The following SCAND3 variants were observed in gnomAD, a reference collection of about 807,000 sequenced individuals.
SCAND3 encodes SCAN domain-containing protein 3.
chr6:28,611,902 G>A, the SCAND3 span, among the ~76,000 whole-genome samples: 1 of 152,166 alleles, frequency 6.6e-6, no homozygotes, highest in African/African-American at 2.4e-5. Context: ...TTCTAAATAG[G>A]AACATTACGG....
the SCAND3 span, chr6:28,579,383 C>T: frequency 7.4e-6 from 12 of 1,613,846 alleles, no homozygotes; most frequent in Middle Eastern, 1.6e-4. The surrounding 1 kb of genome is among the most constrained non-coding windows in gnomAD (Gnocchi z 4.5). Context: ...ATCATTTCTT[C>T]CATAGAAACT....
the SCAND3 span, among the ~76,000 whole-genome samples, chr6:28,584,093 T>A: frequency 6.6e-6 from 1 of 152,124 alleles, no homozygotes; most frequent in South Asian, 2.1e-4. Context: ...CAATAATAAG[T>A]TTAATGTTGA....
chr6:28,577,640 C>T, the SCAND3 span, among the ~76,000 whole-genome samples: 1 of 152,190 alleles, frequency 6.6e-6, no homozygotes, highest in African/African-American at 2.4e-5. Context: ...GAAACCCATA[C>T]CTCCACCAAA....
the SCAND3 span, among the ~76,000 whole-genome samples, chr6:28,605,379 T>G: frequency 6.6e-6 from 1 of 152,156 alleles, no homozygotes; most frequent in Non-Finnish European, 1.5e-5. Flanking sequence ...TCCAGAGACT[T>G]TGTTGGGAAG....
chr6:28,591,570 C>T, the SCAND3 span: 9 of 152,174 alleles, frequency 5.9e-5, no homozygotes, highest in Admixed American at 5.9e-4. Flanking sequence ...TATCAAGTTT[C>T]TCTTTTTCCA....
the SCAND3 span, among the ~76,000 whole-genome samples, chr6:28,600,840 G>C: frequency 6.7e-6 from 1 of 149,352 alleles, no homozygotes; most frequent in African/African-American, 2.5e-5. Flanking sequence ...TTATGGTTTT[G>C]TTTGTTCGTT....
the SCAND3 span, chr6:28,585,373 C>A: frequency 6.6e-6 from 1 of 152,134 alleles, no homozygotes; most frequent in Non-Finnish European, 1.5e-5. Flanking sequence ...ATAAGTGCTT[C>A]CAAGACAGCC....
the SCAND3 span, among the ~76,000 whole-genome samples, chr6:28,603,065 C>G: frequency 6.7e-6 from 1 of 148,394 alleles, no homozygotes; most frequent in African/African-American, 2.5e-5. Flanking sequence ...CGGATTCAAG[C>G]CATTCTCCTG....
At chr6:28,586,143 A>C in the SCAND3 span, among the ~76,000 whole-genome samples, 1 of 152,126 alleles carries the variant, frequency 6.6e-6, no homozygotes, top group Non-Finnish European at 1.5e-5. This position sits in a 1 kb window ranked among gnomAD's most constrained non-coding sequence, Gnocchi z 4.4. Context: ...CTGTTATCTC[A>C]TATGCACGCA....
At chr6:28,572,063 G>A in the SCAND3 span, 14 of 1,614,022 alleles carry the variant, frequency 8.7e-6, no homozygotes, top group South Asian at 1.2e-4. The surrounding 1 kb of genome is among the most constrained non-coding windows in gnomAD (Gnocchi z 4.1). Context: ...GTCTCACAGA[G>A]GTATGTTGAG....
At chr6:28,609,978 T>C in the SCAND3 span, among the ~76,000 whole-genome samples, 23 of 152,188 alleles carry the variant, frequency 1.5e-4, no homozygotes, top group Non-Finnish European at 3.2e-4. Context: ...GGAATCCCAG[T>C]GCTTTGGGAG....
At chr6:28,610,682 G>A in the SCAND3 span, among the ~76,000 whole-genome samples, 1 of 152,016 alleles carries the variant, frequency 6.6e-6, no homozygotes, top group South Asian at 2.1e-4. Context: ...CAGTTATATG[G>A]GATTGAGATT....
At chr6:28,612,441 C>T in the SCAND3 span, among the ~76,000 whole-genome samples, 1 of 152,142 alleles carries the variant, frequency 6.6e-6, no homozygotes, top group East Asian at 1.9e-4. Flanking sequence ...ACCTCCTTAA[C>T]ATCTGGAAAG....
chr6:28,579,506 T>C, the SCAND3 span: 54,913 of 1,226,712 alleles, frequency 0.045, 1,515 homozygotes, highest in Non-Finnish European at 0.053. The surrounding 1 kb of genome is among the most constrained non-coding windows in gnomAD (Gnocchi z 4.5). Flanking sequence ...TAAAATAGAA[T>C]GTAAGAAGAA....
chr6:28,613,169 A>G, the SCAND3 span, among the ~76,000 whole-genome samples: 7 of 152,318 alleles, frequency 4.6e-5, no homozygotes, highest in Admixed American at 2.6e-4. Flanking sequence ...AGCACATAAC[A>G]TATAAGGCAA....
the SCAND3 span, among the ~76,000 whole-genome samples, chr6:28,609,010 TG>T: frequency 2.7e-5 from 4 of 150,556 alleles, no homozygotes; most frequent in Non-Finnish European, 4.4e-5. Flanking sequence ...AAGCGGGGGT[TG>T]GGGGGAGGGC....
chr6:28,614,243 C>G, the SCAND3 span, among the ~76,000 whole-genome samples: 2 of 151,660 alleles, frequency 1.3e-5, no homozygotes, highest in Admixed American at 6.6e-5. Flanking sequence ...GGATTACAGG[C>G]GTGAGCCACC....
the SCAND3 span, among the ~76,000 whole-genome samples, chr6:28,614,306 C>CA: frequency 2.0e-5 from 3 of 151,822 alleles, no homozygotes; most frequent in African/African-American, 7.3e-5. Context: ...TGAATTTTAG[C>CA]AAAAAGATAT....
At chr6:28,573,345 G>A in the SCAND3 span, 2 of 1,613,926 alleles carry the variant, frequency 1.2e-6, no homozygotes, top group Admixed American at 1.7e-5. Context: ...AAACTTCTTT[G>A]ATGCAGTCTT....
Sources: gnomAD v4.1 joint callset for allele counts (sites outside exome capture counted in the v4.1 genomes callset) on GRCh38, gnomAD v4.1.1 for gene constraint, Gnocchi (gnomAD v3.1) non-coding constraint, MANE v1.5 for transcripts, NCBI Gene and HGNC (gene_info 2026-07-23, HGNC 2026-07-21) for gene names.